The following SUSD6 variants were observed in gnomAD, a reference collection of about 807,000 sequenced individuals.
SUSD6 encodes sushi domain containing 6.
SUSD6 carries 16 observed loss-of-function variants against 28.4 expected under a neutral mutation model. The observed-to-expected ratio is 0.56, with a 90% confidence interval of 0.38 to 0.86. The LOEUF is 0.86. SUSD6 is among the 40% of genes least tolerant of loss of function. SUSD6 has a pLI of 0.00. For synonymous variants in SUSD6, 147 were observed against 159.6 expected, an observed-to-expected ratio of 0.92 and a Z score of 0.59; for missense variants, 341 against 384.2, an observed-to-expected ratio of 0.89 and a Z score of 0.94.
chr14:69,658,471 T>G, intron 1 of SUSD6, 42 bp from the exon 2 acceptor site: 2 of 1,034,472 alleles, frequency 1.9e-6, no homozygotes, highest in Non-Finnish European at 2.8e-6. Flanking sequence ...AACTAACTTA[T>G]GGCTGAAGTT....
At chr14:69,635,789 C>A (rs1885257343) in intron 1 of SUSD6, among the ~76,000 whole-genome samples, 1 of 152,248 alleles carries the variant, frequency 6.6e-6, no homozygotes, top group Non-Finnish European at 1.5e-5. Flanking sequence ...ACTTTCTTGG[C>A]CTTTATATCC....
At chr14:69,668,076 G>A (rs1169433207) in intron 2 of SUSD6, among the ~76,000 whole-genome samples, 1 of 152,182 alleles carries the variant, frequency 6.6e-6, no homozygotes, top group African/African-American at 2.4e-5. Context: ...GGCCCAGTGA[G>A]CAGTAGCAGT....
chr14:69,668,016 T>C (rs1885770554), intron 2 of SUSD6, among the ~76,000 whole-genome samples: 1 of 152,230 alleles, frequency 6.6e-6, no homozygotes, highest in African/African-American at 2.4e-5. Flanking sequence ...CATAGGATGA[T>C]CCAGAATCAT....
chr14:69,676,269 T>A (rs927235590), intron 2 of SUSD6, among the ~76,000 whole-genome samples: 1 of 152,180 alleles, frequency 6.6e-6, no homozygotes, highest in Non-Finnish European at 1.5e-5. Context: ...CCTATATGAC[T>A]ACCTCAGACT....
At chr14:69,618,652 A>G (rs945303637) in intron 1 of SUSD6, among the ~76,000 whole-genome samples, 1 of 152,234 alleles carries the variant, frequency 6.6e-6, no homozygotes, top group Non-Finnish European at 1.5e-5. Flanking sequence ...AGCCAAGGCC[A>G]AGGATCAGTT....
chr14:69,703,423 T>C lies in SUSD6; in HGVS notation c.150T>C (p.Asn50=). The change falls in exon 3 of 6, where the codon AAT becomes AAC. Residue 50 remains asparagine (N), a synonymous_variant. Coordinates refer to ENST00000342745, the MANE Select transcript of SUSD6 (RefSeq NM_014734.4). ...GCCCCCTACCACCGGAGCCAGAGAA[T>C]GGTGGCTACATCTGCCACCCCCGGC... The part of the protein sequence containing the change: ...SVCPLPPEPE[N]GGYICHPRPC... 1.2e-6 allele frequency: 2 copies of C among 1,613,970 alleles called. No individual in the cohort carries two copies. The highest frequency in any genetic ancestry group is 4.5e-5 in the East Asian group (2 of 44,886).
chr14:69,695,082 T>G (rs565865403), intron 2 of SUSD6, among the ~76,000 whole-genome samples: 4 of 151,988 alleles, frequency 2.6e-5, no homozygotes, highest in Non-Finnish European at 5.9e-5. Context: ...GACTGGACAA[T>G]AGGCTTCCTG....
At position 69,629,118 on chromosome 14, in the gene SUSD6, C is replaced by T. The variant is rs528725606; in HGVS notation, c.-81+17290C>T. ...AATGCCTGGAGAGAGGAGGGTAGGG[C>T]CAGGTGGGAGTTGCAGTGGAGGGGC... On this transcript the variant is annotated intron_variant, in intron 1 of 5. Coordinates refer to ENST00000342745, the MANE Select transcript of SUSD6 (RefSeq NM_014734.4). 1.5e-4 allele frequency among the ~76,000 whole-genome samples: 22 copies of T among 151,464 alleles called. 1 individual carries two copies. The highest frequency in any genetic ancestry group is 2.8e-4 in the Non-Finnish European group (19 of 67,850).
At chr14:69,695,177 CT>C (rs1240780420) in intron 2 of SUSD6, among the ~76,000 whole-genome samples, 5 of 152,068 alleles carry the variant, frequency 3.3e-5, no homozygotes, top group African/African-American at 1.2e-4. Flanking sequence ...TCACTGCAGC[CT>C]GTTTTAGACT....
intron 2 of SUSD6, among the ~76,000 whole-genome samples, chr14:69,693,247 C>A (rs1288404902): frequency 1.3e-5 from 2 of 152,146 alleles, no homozygotes; most frequent in African/African-American, 4.8e-5. Flanking sequence ...GAATGGTCCT[C>A]TGGCCTGCCC....
intron 2 of SUSD6, among the ~76,000 whole-genome samples, chr14:69,677,503 C>T (rs1216952149): frequency 2.7e-5 from 4 of 150,920 alleles, no homozygotes; most frequent in South Asian, 2.1e-4. Flanking sequence ...GCCAAGATCA[C>T]GCCACCGCGC....
intron 2 of SUSD6, among the ~76,000 whole-genome samples, chr14:69,694,794 G>A (rs919329195): frequency 9.2e-5 from 14 of 152,204 alleles, no homozygotes; most frequent in Non-Finnish European, 1.3e-4. Flanking sequence ...CTGTGAGGGG[G>A]AGGAAGTGAG....
At chr14:69,668,780 C>CT (rs1885784259) in intron 2 of SUSD6, among the ~76,000 whole-genome samples, 2 of 151,958 alleles carry the variant, frequency 1.3e-5, no homozygotes, top group Admixed American at 1.3e-4. Flanking sequence ...CTTGGGCGAT[C>CT]CCCTTGATGG....
intron 2 of SUSD6, among the ~76,000 whole-genome samples, chr14:69,701,032 T>TAGGGATTAGGTTTTTGTTA (rs1886306099): frequency 6.6e-6 from 1 of 152,150 alleles, no homozygotes; most frequent in African/African-American, 2.4e-5. Flanking sequence ...GAGAATGATT[T>TAGGGATTAGGTTTTTGTTA]TTTAAATATA....
At chr14:69,649,599 G>T (rs958266342) in intron 1 of SUSD6, among the ~76,000 whole-genome samples, 1 of 151,926 alleles carries the variant, frequency 6.6e-6, no homozygotes, top group African/African-American at 2.4e-5. Context: ...TCATTCACTC[G>T]AGAAGTATTG....
chr14:69,654,835 C>A (rs1885557879), intron 1 of SUSD6, among the ~76,000 whole-genome samples: 1 of 143,402 alleles, frequency 7.0e-6, no homozygotes, highest in African/African-American at 2.8e-5. Context: ...CATTCTGTCA[C>A]CCAGGCTGGA....
At chr14:69,639,062 A>G (rs1885308675) in intron 1 of SUSD6, among the ~76,000 whole-genome samples, 1 of 152,170 alleles carries the variant, frequency 6.6e-6, no homozygotes, top group South Asian at 2.1e-4. Flanking sequence ...GCAGTGGCTC[A>G]CGCCTGTAAT....
At chr14:69,680,717 G>T (rs765324561) in intron 2 of SUSD6, among the ~76,000 whole-genome samples, 1 of 152,096 alleles carries the variant, frequency 6.6e-6, no homozygotes, top group Non-Finnish European at 1.5e-5. Context: ...TGTGGTATGT[G>T]CCCCCAAAGC....
chr14:69,638,423 A>AGTGTGTGTGTGT (rs10637124), intron 1 of SUSD6, among the ~76,000 whole-genome samples: 1,998 of 139,214 alleles, frequency 0.014, 33 homozygotes, highest in African/African-American at 0.042. Flanking sequence ...TGGGGTGGGG[A>AGTGTGTGTGTGT]GTGTGTGTGT....
Sources: gnomAD v4.1 joint callset for allele counts (sites outside exome capture counted in the v4.1 genomes callset) on GRCh38, gnomAD v4.1.1 for gene constraint, MANE v1.5 for transcripts, NCBI Gene and HGNC (gene_info 2026-07-23, HGNC 2026-07-21) for gene names.